The following ASMT variants were observed in gnomAD, a reference collection of about 807,000 sequenced individuals.
The protein encoded by ASMT is acetylserotonin N-methyltransferase.
In ASMT, 53 loss-of-function variants were observed where a neutral mutation model predicts 41.3. That is an observed-to-expected ratio of 1.28 (90% CI 1.03 to 1.61). The LOEUF (loss-of-function observed/expected upper bound fraction) is 1.61, where lower values mean the gene tolerates loss of function less well. Ranked by LOEUF, ASMT falls within the 40% of genes most tolerant of loss-of-function variation. The pLI is 0.00. For synonymous variants in ASMT, 231 were observed against 184.8 expected, an observed-to-expected ratio of 1.25 and a Z score of -2.03; for missense variants, 531 against 441.3, an observed-to-expected ratio of 1.20 and a Z score of -1.82.
At chrX:1,616,409 A>C (rs1934111710) in intron 1 of ASMT, among the ~76,000 whole-genome samples, 1 of 151,474 alleles carries the variant, frequency 6.6e-6, no homozygotes, top group African/African-American at 2.4e-5. Context: ...AAATCCTTCG[A>C]GGTGGAAAGT....
At chrX:1,626,509 T>C (rs773430951) in intron 3 of ASMT, among the ~76,000 whole-genome samples, 166 of 152,214 alleles carry the variant, frequency 1.1e-3, no homozygotes, top group African/African-American at 3.9e-3. Flanking sequence ...GTTAGGATTA[T>C]AGGTGTGAGC....
In ASMT at chrX:1,623,167, T is replaced by C. The variant is rs2149462773; in HGVS notation, c.98T>C (p.Val33Ala). The C allele has an allele frequency of 4.3e-6, 7 of 1,612,788 alleles. No homozygotes were observed. The highest frequency in any genetic ancestry group is 5.9e-6 in the Non-Finnish European group (7 of 1,179,798). ...CTCTTCGCCGCCTGCGAGCTGGGCGTGTTTGACCTTCTCGCCGAGGCCCCA... is the reference window on the plus strand; with the variant it reads ...CTCTTCGCCGCCTGCGAGCTGGGCGCGTTTGACCTTCTCGCCGAGGCCCCA... ...QVLFAACELG[V>A]FDLLAEAPGP... Residue 33 changes from valine to alanine, a missense_variant, in exon 2 of 9, where the codon GTG (valine) becomes GCG (alanine). Val to Ala is a moderately conservative substitution (Grantham distance 64, BLOSUM62 0). Transcript: ENST00000381241.
chrX:1,624,408 G>T lies in ASMT; in HGVS notation c.374+10G>T. 1 of 1,610,548 alleles carries T rather than the reference G, an allele frequency of 6.2e-7. No individual in the cohort carries two copies. The highest frequency in any genetic ancestry group is 2.2e-5 in the East Asian group (1 of 44,692). On this transcript the variant is annotated intron_variant, in intron 3 of 8. Transcript: ENST00000381241. ...TGGCAGACGCCGTGAGGTGGGGGCT[G>T]CCCCCAGGCAGATGCTGGGAGGTGG...
chrX:1,618,217 G>T (rs776288003), intron 1 of ASMT, among the ~76,000 whole-genome samples: 1 of 152,014 alleles, frequency 6.6e-6, no homozygotes, highest in African/African-American at 2.4e-5. Flanking sequence ...AGGCTGGAGT[G>T]CAGTGGCATG....
intron 2 of ASMT, 21 bp from the exon 3 acceptor site, chrX:1,624,248 G>GT (rs773109876): frequency 5.6e-5 from 90 of 1,613,664 alleles, no homozygotes; most frequent in East Asian, 5.3e-4. Flanking sequence ...CTTTTTCCCT[G>GT]TTTTTTTGTG....
At position 1,637,038 on chromosome X, in the gene ASMT, T is replaced by C. The variant is rs867941248; in HGVS notation, c.910+478T>C. On this transcript the variant is annotated intron_variant, in intron 8 of 8. Coordinates refer to ENST00000381241, the MANE Select transcript of ASMT (RefSeq NM_001171038.2). ...TGTCCCAGCTCTCCTGTGAGGTCCA[T>C]CCATCCTGATGGCACATGAGGATGT... Among the ~76,000 whole-genome samples, 436 of 85,708 alleles carry C rather than the reference T, an allele frequency of 5.1e-3. 18 individuals carry two copies. The highest frequency in any genetic ancestry group is 0.011 in the East Asian group (30 of 2,788). The allele number at this position is 85,708 out of a possible 152,430, so 56.2% of individuals were successfully genotyped here. A position where few individuals can be genotyped will look rare whatever the true frequency, so the allele number is the denominator to read the frequency against.
chrX:1,634,923 C>A (rs1353375090), intron 7 of ASMT, among the ~76,000 whole-genome samples: 2 of 151,710 alleles, frequency 1.3e-5, no homozygotes, highest in East Asian at 3.9e-4. Flanking sequence ...CCTCGGCCTC[C>A]CAAAGTGCTG....
intron 8 of ASMT, 111 bp downstream of exon 8, chrX:1,636,671 C>A: frequency 6.5e-7 from 1 of 1,533,488 alleles, no homozygotes; most frequent in Non-Finnish European, 9.0e-7. Context: ...GGGTAGACAT[C>A]CTGCCCAATA....
At chrX:1,634,976 CT>C (rs772826246) in intron 7 of ASMT, among the ~76,000 whole-genome samples, 4,404 of 112,054 alleles carry the variant, frequency 0.039, 267 homozygotes, top group African/African-American at 0.14. Context: ...TGAGTTAACT[CT>C]TTTTTTTTTT....
At chrX:1,619,487 T>C (rs1427008153) in intron 1 of ASMT, among the ~76,000 whole-genome samples, 1 of 148,742 alleles carries the variant, frequency 6.7e-6, no homozygotes, top group African/African-American at 2.5e-5. Context: ...CAAACCACCA[T>C]GGCACATGTA....
chrX:1,616,851 G>A (rs1172580814), intron 1 of ASMT, among the ~76,000 whole-genome samples: 1 of 151,542 alleles, frequency 6.6e-6, no homozygotes, highest in Non-Finnish European at 1.5e-5. Flanking sequence ...TGGGATTACA[G>A]GCACCCGCCA....
At position 1,632,707 on chromosome X, in the gene ASMT, C is replaced by A; in HGVS notation, c.566C>A (p.Thr189Lys). The change falls in exon 6 of 9, where the codon ACA becomes AAA. Residue 189 changes from threonine to lysine, a missense_variant. Thr to Lys is a moderately conservative substitution (Grantham distance 78). Transcript: ENST00000381241. ...VFPLMCDLGG[T>K]WIKLETIILS... ...GATGCGTTCATGTCCTTTGCAGGGA[C>A]ATGGATAAAGCTGGAAACCATCATT... is the stretch of plus-strand genomic sequence containing the variant. The A allele has an allele frequency of 8.0e-6, 2 of 249,166 alleles. No homozygotes were observed. Among genetic ancestry groups the A allele is most frequent in the Non-Finnish European group, 1.6e-5 (2 of 125,528 alleles). 15.4% of individuals were successfully genotyped at this position (249,166 alleles called of 1,614,324 possible).
chrX:1,633,236 A>G lies in ASMT; in HGVS notation c.733A>G (p.Thr245Ala). 2 of 1,613,868 alleles carry G rather than the reference A, an allele frequency of 1.2e-6. No individual in the cohort carries two copies. Among genetic ancestry groups the G allele is most frequent in the Non-Finnish European group, 1.7e-6 (2 of 1,179,836 alleles). The stretch of plus-strand genomic sequence containing the variant: ...TTTTGACATCCCAGAAGTGGTGTGG[A>G]CGGCAAAGCAGCACTTCTCATTCCA... ...TVFDIPEVVW[T>A]AKQHFSFQEE... Residue 245 changes from threonine (T) to alanine (A), a missense_variant, in exon 7 of 9, where the codon ACG becomes GCG. Thr to Ala is a moderately conservative substitution (Grantham distance 58, BLOSUM62 0). Transcript: ENST00000381241.
chrX:1,625,935 A>C (rs1317764422), intron 3 of ASMT, among the ~76,000 whole-genome samples: 1 of 139,716 alleles, frequency 7.2e-6, no homozygotes, highest in East Asian at 2.2e-4. Context: ...AGCCTGGGCG[A>C]CAGAGCGAGA....
Position 1,642,739 on chromosome X carries a change from G to A in ASMT, c.911-64G>A, listed in dbSNP as rs1489378504. On this transcript the variant is annotated intron_variant, in intron 8 of 8. Coordinates refer to ENST00000381241, the MANE Select transcript of ASMT (RefSeq NM_001171038.2). The stretch of plus-strand genomic sequence containing the variant: ...GGTCTGGCTGTCCTTATGGTTCACT[G>A]GGACTTTGGCACAGTCTGTCTGTGT... The A allele has an allele frequency of 1.4e-4, 212 of 1,495,410 alleles. 1 individual carries two copies. The highest frequency in any genetic ancestry group is 1.7e-4 in the Non-Finnish European group (184 of 1,074,298). The allele number at this position is 1,495,410 out of a possible 1,614,324, so 92.6% of individuals were successfully genotyped here.
In ASMT at chrX:1,636,440, G is replaced by T. The variant is rs767164989; in HGVS notation, c.790G>T (p.Asp264Tyr). Residue 264 changes from aspartate to tyrosine, a missense_variant and splice_region_variant, in exon 8 of 9, where the codon GAT becomes TAT. Physicochemically the swap from Asp to Tyr is radical, Grantham distance 160. Transcript: ENST00000381241. ...GGTGTGCCTGCCCTGTGTTCCAGGG[G>T]ATTTCTTCAAAGACCCTCTTCCGGA... is the stretch of plus-strand genomic sequence containing the variant. ...EEEQIDFQEG[D>Y]FFKDPLPEAD... The T allele has an allele frequency of 3.7e-6, 6 of 1,613,778 alleles. No individual in the cohort carries two copies. The highest frequency in any genetic ancestry group is 1.3e-5 in the African/African-American group (1 of 74,884).
At chrX:1,634,662 C>CT (rs57451439) in intron 7 of ASMT, among the ~76,000 whole-genome samples, 27 of 147,470 alleles carry the variant, frequency 1.8e-4, no homozygotes, top group Admixed American at 8.8e-4. Context: ...AACCCCCCCC[C>CT]TTTTTTTTTC....
chrX:1,631,447 C>T (rs1934773374), intron 5 of ASMT, among the ~76,000 whole-genome samples: 1 of 152,078 alleles, frequency 6.6e-6, no homozygotes, highest in Admixed American at 6.6e-5. Flanking sequence ...GGCCGTGATC[C>T]ACCCACCCTA....
intron 1 of ASMT, among the ~76,000 whole-genome samples, chrX:1,615,706 G>C (rs1208697375): frequency 6.6e-6 from 1 of 151,940 alleles, no homozygotes. Flanking sequence ...GGAGGCTGAG[G>C]CAGGAGAATC....
Sources: gnomAD v4.1 joint callset for allele counts (sites outside exome capture counted in the v4.1 genomes callset) on GRCh38, gnomAD v4.1.1 for gene constraint, MANE v1.5 for transcripts, NCBI Gene and HGNC (gene_info 2026-07-23, HGNC 2026-07-21) for gene names.